Variants in ZFYVE21 observed in about 807,000 individuals in gnomAD.
ZFYVE21 encodes zinc finger FYVE domain-containing protein 21.
ZFYVE21 carries 21 observed loss-of-function variants against 29.5 expected under a neutral mutation model. That is an observed-to-expected ratio of 0.71 (90% CI 0.50 to 1.02). ZFYVE21 has a LOEUF of 1.02. Among genes scored for constraint, ZFYVE21 ranks in the 50% least tolerant of loss-of-function variants. ZFYVE21 has a pLI of 0.00. For synonymous variants in ZFYVE21, 151 were observed against 133.8 expected (o/e 1.13, Z -0.89); for missense variants, 326 against 335.4 (o/e 0.97, Z 0.22).
At chr14:103,726,942 T>C in intron 2 of ZFYVE21, 100 bp downstream of exon 2, 6 of 1,246,196 alleles carry the variant, frequency 4.8e-6, no homozygotes, top group Non-Finnish European at 5.5e-6. Context: ...TGTCATCTTA[T>C]GGCTCGTTTT....
At chr14:103,729,626 C>T in intron 5 of ZFYVE21, 1 of 842,818 alleles carries the variant, frequency 1.2e-6, no homozygotes, top group South Asian at 1.8e-5. Context: ...AGCTTTGGCC[C>T]ATCCTGGGCC....
chr14:103,729,180 G>C lies in ZFYVE21; in HGVS notation c.524G>C (p.Gly175Ala). The C allele has an allele frequency of 6.2e-7, 1 of 1,614,042 alleles. No homozygotes were observed. The highest frequency in any genetic ancestry group is 8.5e-7 in the Non-Finnish European group (1 of 1,179,992). Reference protein sequence around the residue: ...VQILTEGFPPGGGNARATGMF... With the variant: ...VQILTEGFPPAGGNARATGMF... Reference sequence around the variant, plus strand: ...ATCCTCACAGAAGGCTTCCCTCCTGGAGGTAAATGCCAGCACGTCCTTTCC... The same window carrying C: ...ATCCTCACAGAAGGCTTCCCTCCTGCAGGTAAATGCCAGCACGTCCTTTCC... Residue 175 changes from glycine (G) to alanine (A), a missense_variant and splice_region_variant, in exon 5 of 7, where the codon GGA becomes GCA. Physicochemically the swap from Gly to Ala is moderately conservative, Grantham distance 60. Coordinates refer to ENST00000311141, the MANE Select transcript of ZFYVE21 (RefSeq NM_024071.4).
Position 103,716,120 on chromosome 14 carries a change from C to A in ZFYVE21, c.138+141C>A. On this transcript the variant is annotated intron_variant, in intron 1 of 6. Coordinates refer to ENST00000311141, the MANE Select transcript of ZFYVE21 (RefSeq NM_024071.4). The surrounding 1 kb of genome is among the most constrained non-coding windows in gnomAD (Gnocchi z 4.8). ...GCCGGCCCCCGCCCCCGCTCTCTCC[C>A]AGGTTGGCCGCGTCCCCGGGCCGCC... is the stretch of plus-strand genomic sequence containing the variant. 1.1e-6 allele frequency: 1 copy of A among 891,944 alleles called. No homozygotes were observed. The allele number at this position is 891,944 out of a possible 1,614,324, so 55.3% of individuals were successfully genotyped here.
At chr14:103,732,551 T>C in intron 5 of ZFYVE21, 69 bp from the exon 6 acceptor site, 1 of 1,501,320 alleles carries the variant, frequency 6.7e-7, no homozygotes. Context: ...GGCCACCGCC[T>C]TGGGGCTGGT....
intron 5 of ZFYVE21, chr14:103,732,014 T>C (rs3742366): frequency 0.28 from 42,095 of 152,220 alleles, 6,739 homozygotes; most frequent in Non-Finnish European, 0.35. Flanking sequence ...ACATGGGTGC[T>C]GGGTCTGGGG....
chr14:103,726,996 A>G (rs1595691291), intron 2 of ZFYVE21, 154 bp downstream of exon 2: 24 of 706,890 alleles, frequency 3.4e-5, no homozygotes, highest in Middle Eastern at 4.3e-4. Context: ...CCCAGGCTGG[A>G]GTGCAGTGGC....
At position 103,715,913 on chromosome 14, in the gene ZFYVE21, G is replaced by T; in HGVS notation, c.72G>T (p.Val24=). Residue 24 remains valine (V), a synonymous_variant, in exon 1 of 7, where the codon GTG becomes GTT. Transcript: ENST00000311141. ...LVRSPSGLRM[V]PEHRAFGSPF... ...GCTCCCCGAGCGGCCTGCGCATGGT[G>T]CCCGAACACCGCGCCTTCGGAAGCC... The T allele has an allele frequency of 3.5e-6, 5 of 1,435,642 alleles. No homozygotes were observed. Among genetic ancestry groups the T allele is most frequent in the Non-Finnish European group, 3.7e-6 (4 of 1,086,628 alleles). 88.9% of individuals were successfully genotyped at this position (1,435,642 alleles called of 1,614,324 possible).
Position 103,732,669 on chromosome 14 carries a change from G to C in ZFYVE21, c.576G>C (p.Gly192=), listed in dbSNP as rs139120619. 76 of 1,612,152 alleles carry C rather than the reference G, an allele frequency of 4.7e-5. No individual in the cohort carries two copies. The highest frequency in any genetic ancestry group is 6.2e-5 in the Non-Finnish European group (73 of 1,179,444). The change falls in exon 6 of 7, where the codon GGG becomes GGC. Residue 192 remains glycine, a synonymous_variant. Transcript: ENST00000311141. ...TGTTCCTGCAGTATACAGTGCCGGG[G>C]ACGGAGGGTGTGACCCAGCTGAAGC... ...TGMFLQYTVP[G]TEGVTQLKLT... is the part of the protein sequence containing the mutation.
intron 1 of ZFYVE21, chr14:103,726,589 C>T: frequency 1.6e-6 from 1 of 638,048 alleles, no homozygotes; most frequent in Non-Finnish European, 2.8e-6. Context: ...GGCCTGGGAG[C>T]AGCCTGCACC....
chr14:103,720,132 G>GC (rs2083860908), intron 1 of ZFYVE21, among the ~76,000 whole-genome samples: 1 of 152,012 alleles, frequency 6.6e-6, no homozygotes, highest in East Asian at 1.9e-4. Flanking sequence ...ACACCCCACC[G>GC]CGGGGTCCCT....
At chr14:103,728,418 C>T (rs901335198) in intron 3 of ZFYVE21, among the ~76,000 whole-genome samples, 2 of 152,192 alleles carry the variant, frequency 1.3e-5, no homozygotes, top group African/African-American at 4.8e-5. Flanking sequence ...CTGGCCACTG[C>T]CGTCCCAGCC....
At chr14:103,717,267 A>G (rs1044577555) in intron 1 of ZFYVE21, among the ~76,000 whole-genome samples, 2 of 152,132 alleles carry the variant, frequency 1.3e-5, no homozygotes, top group Admixed American at 6.5e-5. Flanking sequence ...CTTTCCGCCA[A>G]TCATCCTCCT....
In ZFYVE21 at chr14:103,716,460, C is replaced by G. The variant is rs970977045; in HGVS notation, c.138+481C>G. ...CTGGCGGCCCCGCAGGGGTCCCTCC[C>G]GGGAACCGGGGGAGGCGTCGGTGCC... On this transcript the variant is annotated intron_variant, in intron 1 of 6. Coordinates refer to ENST00000311141, the MANE Select transcript of ZFYVE21 (RefSeq NM_024071.4). The surrounding 1 kb of genome is among the most constrained non-coding windows in gnomAD (Gnocchi z 4.8). Among the ~76,000 whole-genome samples the G allele has an allele frequency of 2.0e-4, 31 of 152,176 alleles. No homozygotes were observed. Among genetic ancestry groups the G allele is most frequent in the African/African-American group, 7.2e-4 (30 of 41,462 alleles).
intron 1 of ZFYVE21, among the ~76,000 whole-genome samples, chr14:103,722,503 C>T (rs2083881868): frequency 6.6e-6 from 1 of 151,954 alleles, no homozygotes; most frequent in South Asian, 2.1e-4. Context: ...TACAGGTGTG[C>T]ACCACCATGC....
At chr14:103,718,380 C>T (rs948987025) in intron 1 of ZFYVE21, among the ~76,000 whole-genome samples, 9 of 152,180 alleles carry the variant, frequency 5.9e-5, no homozygotes, top group Admixed American at 1.3e-4. Flanking sequence ...TAAAATGCTG[C>T]AAAACCCCCT....
intron 1 of ZFYVE21, among the ~76,000 whole-genome samples, chr14:103,718,732 T>C (rs2083849010): frequency 4.6e-5 from 7 of 152,274 alleles, no homozygotes; most frequent in Admixed American, 4.6e-4. Flanking sequence ...CTGAGTTTTA[T>C]CCTTAAAATC....
chr14:103,720,235 T>G (rs1341016540), intron 1 of ZFYVE21, among the ~76,000 whole-genome samples: 1 of 152,240 alleles, frequency 6.6e-6, no homozygotes, highest in African/African-American at 2.4e-5. Flanking sequence ...GGGTTTTTAG[T>G]CTTATTGGTT....
At chr14:103,718,433 T>C (rs1052886073) in intron 1 of ZFYVE21, among the ~76,000 whole-genome samples, 11 of 152,354 alleles carry the variant, frequency 7.2e-5, no homozygotes, top group Admixed American at 1.3e-4. Context: ...AGAGGTGGCC[T>C]GCAGCTCTCA....
Position 103,729,187 on chromosome 14 carries a change from A to G in ZFYVE21, c.526+5A>G. 2.5e-6 allele frequency: 4 copies of G among 1,613,984 alleles called. No homozygotes were observed. Among genetic ancestry groups the G allele is most frequent in the East Asian group, 2.2e-5 (1 of 44,872 alleles). On this transcript the variant is annotated splice_donor_5th_base_variant and intron_variant, in intron 5 of 6. Transcript: ENST00000311141. The stretch of plus-strand genomic sequence containing the variant: ...CAGAAGGCTTCCCTCCTGGAGGTAA[A>G]TGCCAGCACGTCCTTTCCTAAGCCA...
Sources: allele counts gnomAD v4.1 joint callset (sites outside exome capture counted in the v4.1 genomes callset), GRCh38; gene constraint gnomAD v4.1.1; non-coding constraint Gnocchi (gnomAD v3.1); transcripts MANE v1.5; gene names NCBI Gene and HGNC (gene_info 2026-07-23, HGNC 2026-07-21).